The following MGAT4C variants were observed in gnomAD, a reference collection of about 807,000 sequenced individuals.
MGAT4C encodes MGAT4 family member C, also known as alpha-1,3-mannosyl-glycoprotein 4-beta-N-acetylglucosaminyltransferase C.
Under a neutral mutation model 40.1 loss-of-function variants are expected in MGAT4C, and 19 were observed. The observed-to-expected ratio is 0.47, with a 90% CI of 0.33 to 0.70. The LOEUF (loss-of-function observed/expected upper bound fraction) is 0.70, where lower values mean the gene tolerates loss of function less well. MGAT4C is among the 30% of genes least tolerant of loss of function. The probability of loss-of-function intolerance (pLI) is 0.02; values close to 1 mark genes in which losing one functional copy is unlikely to be tolerated. For missense variants in MGAT4C, 491 were observed against 563.2 expected (o/e 0.87, Z 1.30); for synonymous variants, 181 against 187.1 (o/e 0.97, Z 0.27).
chr12:86,084,966 C>T (rs538768859), intron 1 of MGAT4C, among the ~76,000 whole-genome samples: 8 of 151,936 alleles, frequency 5.3e-5, no homozygotes, highest in South Asian at 2.1e-4. Flanking sequence ...TGAGGAACTA[C>T]GTGATACTGG....
At chr12:86,080,626 C>A (rs1870658109) in intron 1 of MGAT4C, among the ~76,000 whole-genome samples, 1 of 152,098 alleles carries the variant, frequency 6.6e-6, no homozygotes, top group African/African-American at 2.4e-5. Flanking sequence ...CACACCGGTA[C>A]CATGAATTCA....
At chr12:86,355,634 A>G (rs1475605704) in intron 3 of MGAT4C, among the ~76,000 whole-genome samples, 1 of 152,202 alleles carries the variant, frequency 6.6e-6, no homozygotes, top group Non-Finnish European at 1.5e-5. Context: ...AACAAAAAAA[A>G]TTGAAGACAG....
chr12:86,509,390 T>C (rs1340881765), intron 2 of MGAT4C, among the ~76,000 whole-genome samples: 1 of 152,222 alleles, frequency 6.6e-6, no homozygotes, highest in African/African-American at 2.4e-5. Flanking sequence ...GCATTATTTC[T>C]GAGAGCTCTG....
Position 86,408,479 on chromosome 12 carries a change from C to CTCTCTCTCTA in MGAT4C, c.-120+26677_-120+26678insTAGAGAGAGA, listed in dbSNP as rs1267344319. Among the ~76,000 whole-genome samples the CTCTCTCTCTA allele has an allele frequency of 2.0e-3, 125 of 63,328 alleles. 1 individual carries two copies. The highest frequency in any genetic ancestry group is 4.4e-3 in the African/African-American group (56 of 12,766). The allele number at this position is 63,328 out of a possible 152,430, so 41.5% of individuals were successfully genotyped here. A position where few individuals can be genotyped will look rare whatever the true frequency, so the allele number is the denominator to read the frequency against. Reference sequence around the variant, plus strand: ...TCTCTCTCTCTCTCTCTCTCTCTCTCTATATATATATATATATATATATAT... The same window carrying CTCTCTCTCTA: ...TCTCTCTCTCTCTCTCTCTCTCTCTCTCTCTCTCTATATATATATATATATATATATATAT... On this transcript the variant is annotated intron_variant, in intron 3 of 7. Transcript: ENST00000548651.
At chr12:86,429,065 TC>T (rs1565756324) in intron 3 of MGAT4C, among the ~76,000 whole-genome samples, 1 of 152,094 alleles carries the variant, frequency 6.6e-6, no homozygotes, top group Admixed American at 6.5e-5. Context: ...TTATTTGAGA[TC>T]TTTTTCTTCT....
intron 2 of MGAT4C, among the ~76,000 whole-genome samples, chr12:86,565,289 G>A (rs1960042449): frequency 6.6e-6 from 1 of 152,110 alleles, no homozygotes; most frequent in African/African-American, 2.4e-5. Flanking sequence ...AATGCCCATG[G>A]TCCCCACTCC....
intron 1 of MGAT4C, among the ~76,000 whole-genome samples, chr12:86,070,897 C>T (rs1868349647): frequency 6.6e-6 from 1 of 151,312 alleles, no homozygotes; most frequent in African/African-American, 2.5e-5. Flanking sequence ...CAGCACGTTC[C>T]TAATTTGCCT....
At chr12:86,805,331 T>C (rs558204761) in intron 1 of MGAT4C, among the ~76,000 whole-genome samples, 14 of 151,954 alleles carry the variant, frequency 9.2e-5, no homozygotes, top group South Asian at 2.1e-4. Flanking sequence ...GTACTGAGCA[T>C]AGTATATGAT....
At chr12:86,774,291 C>CTTTCTTTCTTTCTTTCT (rs1565981289) in intron 1 of MGAT4C, among the ~76,000 whole-genome samples, 1 of 28,596 alleles carries the variant, frequency 3.5e-5, no homozygotes, top group Non-Finnish European at 8.8e-5. Context: ...CTCTTTCTTT[C>CTTTCTTTCTTTCTTTCT]TTTCTTTCTT....
At chr12:86,334,314 T>C (rs1177905657) in intron 3 of MGAT4C, among the ~76,000 whole-genome samples, 1 of 152,116 alleles carries the variant, frequency 6.6e-6, no homozygotes, top group Non-Finnish European at 1.5e-5. Flanking sequence ...TTGCAAAATT[T>C]CAGCCCAATG....
chr12:86,437,872 C>A (rs1957163636), intron 2 of MGAT4C, among the ~76,000 whole-genome samples: 1 of 151,920 alleles, frequency 6.6e-6, no homozygotes, highest in Non-Finnish European at 1.5e-5. Context: ...GACTACCGCA[C>A]TGACCAGCTG....
intron 2 of MGAT4C, among the ~76,000 whole-genome samples, chr12:86,576,269 C>T (rs1348360653): frequency 1.3e-5 from 2 of 151,816 alleles, no homozygotes; most frequent in African/African-American, 4.8e-5. Context: ...TATTTTCTCC[C>T]ATTTTGTGGG....
intron 1 of MGAT4C, among the ~76,000 whole-genome samples, chr12:86,081,116 A>G (rs1263772870): frequency 6.6e-6 from 1 of 152,186 alleles, no homozygotes; most frequent in Non-Finnish European, 1.5e-5. Flanking sequence ...TAGTTTTAGC[A>G]TTCCATGTCT....
chr12:86,801,705 G>T (rs182563274), intron 1 of MGAT4C, among the ~76,000 whole-genome samples: 16 of 151,828 alleles, frequency 1.1e-4, no homozygotes, highest in Non-Finnish European at 1.9e-4. Flanking sequence ...TATTACATTG[G>T]TTGTGATCTG....
chr12:86,030,865 G>A (rs1346497085), intron 2 of MGAT4C, among the ~76,000 whole-genome samples: 1 of 151,786 alleles, frequency 6.6e-6, no homozygotes, highest in Admixed American at 6.6e-5. Context: ...ATTTGTTATT[G>A]ATAGGACAAA....
At chr12:86,520,931 C>A (rs1302872638) in intron 2 of MGAT4C, among the ~76,000 whole-genome samples, 1 of 151,616 alleles carries the variant, frequency 6.6e-6, no homozygotes, top group Admixed American at 6.6e-5. Flanking sequence ...TGTTTTTTAT[C>A]GAAATTTGTT....
chr12:86,656,533 T>C (rs1180185400), intron 2 of MGAT4C, among the ~76,000 whole-genome samples: 1 of 152,046 alleles, frequency 6.6e-6, no homozygotes, highest in Non-Finnish European at 1.5e-5. Flanking sequence ...ACAATCCATA[T>C]GAGGACCAGG....
intron 2 of MGAT4C, among the ~76,000 whole-genome samples, chr12:86,695,830 A>G (rs774188963): frequency 6.6e-6 from 1 of 152,150 alleles, no homozygotes; most frequent in Non-Finnish European, 1.5e-5. Context: ...GGTACAAAAA[A>G]ATAGAAAAAA....
intron 1 of MGAT4C, among the ~76,000 whole-genome samples, chr12:86,181,379 T>G (rs1277351483): frequency 6.6e-6 from 1 of 152,232 alleles, no homozygotes; most frequent in Non-Finnish European, 1.5e-5. Context: ...ATATAAAATC[T>G]GAAGTAGACA....
Sources: allele counts gnomAD v4.1 joint callset (sites outside exome capture counted in the v4.1 genomes callset), GRCh38; gene constraint gnomAD v4.1.1; transcripts MANE v1.5; gene names NCBI Gene and HGNC (gene_info 2026-07-23, HGNC 2026-07-21).